Variants in LRMDA observed in about 807,000 individuals in gnomAD.
LRMDA encodes leucine rich melanocyte differentiation associated.
In LRMDA, 18 loss-of-function variants were observed where a neutral mutation model predicts 29.8. The observed-to-expected ratio is 0.60, with a 90% CI of 0.42 to 0.90. The LOEUF is 0.90. Among genes scored for constraint, LRMDA ranks in the 40% least tolerant of loss-of-function variants. LRMDA has a pLI of 0.00. For synonymous variants in LRMDA, 125 were observed against 109.4 expected (o/e 1.14, Z -0.89); for missense variants, 273 against 273.9 (o/e 1.00, Z 0.02).
At chr10:75,655,406 G>T (rs1344667881) in intron 2 of LRMDA, among the ~76,000 whole-genome samples, 1 of 152,246 alleles carries the variant, frequency 6.6e-6, no homozygotes, top group Non-Finnish European at 1.5e-5. Context: ...TGTTGGGATT[G>T]CCAGTTCCCT....
chr10:76,256,334 A>G (rs528405423), intron 5 of LRMDA, among the ~76,000 whole-genome samples: 2 of 152,284 alleles, frequency 1.3e-5, no homozygotes, highest in East Asian at 1.9e-4. Flanking sequence ...GTCAATATTG[A>G]AATTATCTTG....
chr10:76,355,681 G>A (rs1841231029), intron 6 of LRMDA, among the ~76,000 whole-genome samples: 1 of 152,174 alleles, frequency 6.6e-6, no homozygotes, highest in Non-Finnish European at 1.5e-5. Context: ...TTGAGGGGCT[G>A]AGTCTAATTT....
chr10:75,653,932 G>A (rs1183016854), intron 2 of LRMDA, among the ~76,000 whole-genome samples: 3 of 152,116 alleles, frequency 2.0e-5, no homozygotes, highest in Non-Finnish European at 2.9e-5. Flanking sequence ...CCTTCTCTAC[G>A]TCTGCTAAGA....
chr10:76,006,403 A>C (rs1847657955), intron 2 of LRMDA, among the ~76,000 whole-genome samples: 1 of 152,124 alleles, frequency 6.6e-6, no homozygotes, highest in South Asian at 2.1e-4. Flanking sequence ...CGGCCATGTG[A>C]AGACCGGCTG....
intron 2 of LRMDA, among the ~76,000 whole-genome samples, chr10:76,027,839 T>C (rs2132498140): frequency 6.6e-6 from 1 of 152,332 alleles, no homozygotes; most frequent in East Asian, 1.9e-4. Context: ...ATGAAAATTG[T>C]ACTGGCTCAT....
chr10:76,001,924 C>T (rs1165871213), intron 2 of LRMDA, among the ~76,000 whole-genome samples: 3 of 152,194 alleles, frequency 2.0e-5, no homozygotes, highest in Non-Finnish European at 4.4e-5. Flanking sequence ...CTGGGACTGG[C>T]CTGAGTGTCA....
intron 2 of LRMDA, among the ~76,000 whole-genome samples, chr10:75,996,763 C>T (rs1468624688): frequency 6.8e-6 from 1 of 147,764 alleles, no homozygotes; most frequent in Non-Finnish European, 1.5e-5. Flanking sequence ...GACGGAGTCT[C>T]GGTCTGTCGT....
intron 2 of LRMDA, among the ~76,000 whole-genome samples, chr10:75,891,413 A>G (rs1845488976): frequency 6.6e-6 from 1 of 152,164 alleles, no homozygotes; most frequent in Non-Finnish European, 1.5e-5. Context: ...GACCTGAGGG[A>G]GGGGAGCAGA....
intron 5 of LRMDA, among the ~76,000 whole-genome samples, chr10:76,230,345 G>A (rs1852035085): frequency 6.6e-6 from 1 of 152,052 alleles, no homozygotes; most frequent in South Asian, 2.1e-4. Flanking sequence ...TTGTGTATCT[G>A]TATGTAAATG....
chr10:76,526,955 A>T (rs1346013346), intron 6 of LRMDA, among the ~76,000 whole-genome samples: 2 of 148,306 alleles, frequency 1.3e-5, no homozygotes, highest in African/African-American at 5.0e-5. Flanking sequence ...GTGCACGTGT[A>T]CCCTAAAACG....
chr10:75,947,456 C>T (rs996008860), intron 2 of LRMDA, among the ~76,000 whole-genome samples: 5 of 152,082 alleles, frequency 3.3e-5, no homozygotes, highest in African/African-American at 1.2e-4. Flanking sequence ...TGCTGGGCTC[C>T]GGATATTCAT....
In LRMDA at chr10:76,327,265, G is replaced by A. The variant is rs113389605; in HGVS notation, c.601+2780G>A. ...TGCCACCATGCCTGGCTAATTTTTT[G>A]TATCTTTAGTAGAGACAGGGTTTCA... On this transcript the variant is annotated intron_variant, in intron 6 of 6. Coordinates refer to ENST00000611255, the MANE Select transcript of LRMDA (RefSeq NM_001305581.2). 2.0e-4 allele frequency among the ~76,000 whole-genome samples: 31 copies of A among 151,916 alleles called. No homozygotes were observed. The South Asian group carries it at 4.0e-3, about 19-fold the overall frequency.
Position 75,581,481 on chromosome 10 carries a change from G to A in LRMDA, c.131+142987G>A, listed in dbSNP as rs145100617. Among the ~76,000 whole-genome samples the A allele has an allele frequency of 3.9e-4, 60 of 152,258 alleles. No individual in the cohort carries two copies. In the East Asian group the frequency reaches 0.011, roughly 28 times the overall value. ...ACACTGTTGGTGGAAGTGTAAATTA[G>A]TTCAACCATTGTGGAAGACAGTGTG... On this transcript the variant is annotated intron_variant, in intron 2 of 6. Transcript: ENST00000611255.
Position 75,821,507 on chromosome 10 carries a change from C to T in LRMDA, c.132-214501C>T, listed in dbSNP as rs180849906. The stretch of plus-strand genomic sequence containing the variant: ...CTTACTGGCTGGGCGTGGTGGCTCA[C>T]GCCTGTAATCCCAGCACTTTGGGAG... On this transcript the variant is annotated intron_variant, in intron 2 of 6. Coordinates refer to ENST00000611255, the MANE Select transcript of LRMDA (RefSeq NM_001305581.2). Among the ~76,000 whole-genome samples the T allele has an allele frequency of 1.5e-4, 23 of 152,294 alleles. No individual in the cohort carries two copies. In the South Asian group the frequency reaches 3.3e-3, roughly 22 times the overall value.
intron 5 of LRMDA, among the ~76,000 whole-genome samples, chr10:76,138,225 TAA>T (rs1200807823): frequency 6.6e-6 from 1 of 152,108 alleles, no homozygotes; most frequent in Non-Finnish European, 1.5e-5. Context: ...TACCCCTCAA[TAA>T]CAGCAAAACA....
At chr10:75,971,813 T>A (rs74149849) in intron 2 of LRMDA, among the ~76,000 whole-genome samples, 3,054 of 152,220 alleles carry the variant, frequency 0.02, 82 homozygotes, top group East Asian at 0.065. Context: ...ATGGTTATAG[T>A]GAAGTTAGGG....
chr10:75,848,564 T>C (rs1282897729), intron 2 of LRMDA, among the ~76,000 whole-genome samples: 1 of 152,186 alleles, frequency 6.6e-6, no homozygotes, highest in Non-Finnish European at 1.5e-5. Flanking sequence ...GTCTCTTCTT[T>C]TCCTGCCTCC....
At chr10:76,431,641 G>A (rs1456251831) in intron 6 of LRMDA, among the ~76,000 whole-genome samples, 1 of 152,148 alleles carries the variant, frequency 6.6e-6, no homozygotes, top group Non-Finnish European at 1.5e-5. Context: ...TATCCCAGTG[G>A]ATGATAACTT....
At chr10:76,384,050 T>A (rs562583408) in intron 6 of LRMDA, among the ~76,000 whole-genome samples, 4 of 152,204 alleles carry the variant, frequency 2.6e-5, no homozygotes, top group African/African-American at 9.6e-5. Flanking sequence ...TATGAAATAG[T>A]AAACTCCCAA....
Sources: allele counts gnomAD v4.1 joint callset (sites outside exome capture counted in the v4.1 genomes callset), GRCh38; gene constraint gnomAD v4.1.1; transcripts MANE v1.5; gene names NCBI Gene and HGNC (gene_info 2026-07-23, HGNC 2026-07-21).